NDUFAF5: variants seen among roughly 807,000 people sequenced by gnomAD.
The protein encoded by NDUFAF5 is arginine-hydroxylase NDUFAF5, mitochondrial.
In NDUFAF5, 34 loss-of-function variants were observed where a neutral mutation model predicts 48.9. The observed-to-expected ratio is 0.70, with a 90% CI of 0.53 to 0.93. NDUFAF5 has a LOEUF of 0.93. Ranked by LOEUF, NDUFAF5 falls within the 40% of genes least tolerant of loss-of-function variation. The pLI, the probability that NDUFAF5 is intolerant of heterozygous loss-of-function variation, is 0.00. For synonymous variants in NDUFAF5, 153 were observed against 150.6 expected (o/e 1.02, Z -0.12); for missense variants, 428 against 427.5 (o/e 1.00, Z -0.01).
chr20:13,801,346 A>G (rs1600356385), intron 6 of NDUFAF5, 140 bp from the exon 7 acceptor site: 1 of 514,814 alleles, frequency 1.9e-6, no homozygotes, highest in East Asian at 3.4e-5. Context: ...ATTAGATGTT[A>G]TTTGTTAAAT....
rs545367753 is a variant in NDUFAF5, at chr20:13,808,958, A to G, written c.778+56A>G. On this transcript the variant is annotated intron_variant, in intron 8 of 10. Transcript: ENST00000378106. ...ATTGGGAAAGGTAGGCCAAAAAAAA[A>G]GAATTTTTAGACTCCATTTGAGAGA... 5.8e-4 allele frequency: 681 copies of G among 1,169,332 alleles called. 9 individuals carry two copies. The South Asian group carries it at 8.1e-3, about 14-fold the overall frequency. 72.4% of individuals were successfully genotyped at this position (1,169,332 alleles called of 1,614,324 possible). A position where few individuals can be genotyped will look rare whatever the true frequency, so the allele number is the denominator to read the frequency against.
chr20:13,785,993 A>T (rs930728794), intron 1 of NDUFAF5, among the ~76,000 whole-genome samples: 2 of 152,090 alleles, frequency 1.3e-5, no homozygotes, highest in African/African-American at 4.8e-5. Flanking sequence ...TCTTGTTTTA[A>T]TCAGTGGAGT....
intron 3 of NDUFAF5, among the ~76,000 whole-genome samples, chr20:13,791,917 T>C (rs1295901528): frequency 1.3e-5 from 2 of 152,210 alleles, no homozygotes; most frequent in Admixed American, 6.5e-5. Flanking sequence ...TGAGAGCCAA[T>C]TGTTAGCATC....
rs551550842 is a variant in NDUFAF5, at chr20:13,805,486, T to C, written c.718-3356T>C. 3.9e-5 allele frequency among the ~76,000 whole-genome samples: 6 copies of C among 152,314 alleles called. No individual in the cohort carries two copies. The South Asian group carries it at 1.2e-3, about 32-fold the overall frequency. On this transcript the variant is annotated intron_variant, in intron 7 of 10. Coordinates refer to ENST00000378106, the MANE Select transcript of NDUFAF5 (RefSeq NM_024120.5). ...CTCTAAAAATGAGCCTAATGACTCA[T>C]ACTTTAATATAATATAAAAATATTG...
chr20:13,807,290 C>T (rs1397644685), intron 7 of NDUFAF5, among the ~76,000 whole-genome samples: 3 of 152,098 alleles, frequency 2.0e-5, no homozygotes, highest in Non-Finnish European at 2.9e-5. Flanking sequence ...TCATGATCTG[C>T]CTGCCTCGGC....
chr20:13,817,764 A>G lies in NDUFAF5; in HGVS notation c.*554A>G, dbSNP rs1455936995. 1.5e-5 allele frequency: 7 copies of G among 454,000 alleles called. No homozygotes were observed. The highest frequency in any genetic ancestry group is 4.0e-5 in the African/African-American group (2 of 50,006). 28.1% of individuals were successfully genotyped at this position (454,000 alleles called of 1,614,324 possible). A position where few individuals can be genotyped will look rare whatever the true frequency, so the allele number is the denominator to read the frequency against. ...CCTTAGGGAAGAAGAAAACATTTTAAAGAATACCAGAAGTAGAATCACATG... is the reference window on the plus strand; with the variant it reads ...CCTTAGGGAAGAAGAAAACATTTTAGAGAATACCAGAAGTAGAATCACATG... On this transcript the variant is annotated 3_prime_UTR_variant, in exon 11 of 11. Coordinates refer to ENST00000378106, the MANE Select transcript of NDUFAF5 (RefSeq NM_024120.5).
intron 7 of NDUFAF5, among the ~76,000 whole-genome samples, chr20:13,803,960 A>G (rs1283651771): frequency 6.6e-6 from 1 of 151,938 alleles, no homozygotes; most frequent in Non-Finnish European, 1.5e-5. Flanking sequence ...TAATTTTTGT[A>G]TTTTTAGTAG....
At chr20:13,791,341 A>G (rs1400376201) in intron 3 of NDUFAF5, among the ~76,000 whole-genome samples, 3 of 152,196 alleles carry the variant, frequency 2.0e-5, no homozygotes, top group African/African-American at 7.2e-5. Flanking sequence ...CTCAGTTTCT[A>G]TAAAATATGA....
At chr20:13,817,025 G>T (rs756701830) in intron 10 of NDUFAF5, 68 bp downstream of exon 10, 70 of 1,534,726 alleles carry the variant, frequency 4.6e-5, no homozygotes, top group Non-Finnish European at 6.1e-5. Context: ...ACTAACTTGG[G>T]GGAAGGGGTA....
intron 7 of NDUFAF5, 81 bp downstream of exon 7, chr20:13,801,764 T>A: frequency 8.4e-7 from 1 of 1,185,596 alleles, no homozygotes; most frequent in Non-Finnish European, 1.3e-6. Flanking sequence ...GAAAACTGTA[T>A]GTGTTCATGG....
rs1984085290 is a variant in NDUFAF5 at position 13,801,350 on chromosome 20, G to C, written c.520-136G>C. 5.7e-6 allele frequency: 3 copies of C among 527,952 alleles called. No individual in the cohort carries two copies. In the East Asian group the frequency reaches 1.0e-4, roughly 18 times the overall value. 32.7% of individuals were successfully genotyped at this position (527,952 alleles called of 1,614,324 possible). On this transcript the variant is annotated intron_variant, in intron 6 of 10. Coordinates refer to ENST00000378106, the MANE Select transcript of NDUFAF5 (RefSeq NM_024120.5). ...CAGTTGGTTGCATTAGATGTTATTTGTTAAATTATGTGATTATTAATTTGG... is the reference window on the plus strand; with the variant it reads ...CAGTTGGTTGCATTAGATGTTATTTCTTAAATTATGTGATTATTAATTTGG...
intron 5 of NDUFAF5, among the ~76,000 whole-genome samples, chr20:13,796,066 T>C (rs939621309): frequency 3.3e-5 from 5 of 152,184 alleles, no homozygotes; most frequent in South Asian, 4.1e-4. Flanking sequence ...TCCTGTCTTA[T>C]AGTCAAATAG....
At chr20:13,801,017 C>T (rs1984032568) in intron 6 of NDUFAF5, among the ~76,000 whole-genome samples, 3 of 152,142 alleles carry the variant, frequency 2.0e-5, no homozygotes, top group Admixed American at 1.3e-4. Context: ...CTGTCACTTC[C>T]ACTGCATTCT....
chr20:13,817,349 TATCACATC>T lies in NDUFAF5; in HGVS notation c.*140_*147del. ...TTTTCATATAATTAGGAAAACCTAA[TATCACATC>T]TATAGTAACCATTTCAGTTTCATAT... On this transcript the variant is annotated 3_prime_UTR_variant, in exon 11 of 11. Coordinates refer to ENST00000378106, the MANE Select transcript of NDUFAF5 (RefSeq NM_024120.5). 1.3e-6 allele frequency: 1 copy of T among 749,942 alleles called. No individual in the cohort carries two copies. Among genetic ancestry groups the T allele is most frequent in the Non-Finnish European group, 2.4e-6 (1 of 415,298 alleles). 46.5% of individuals were successfully genotyped at this position (749,942 alleles called of 1,614,324 possible).
chr20:13,795,886 T>G (rs1435377042), intron 5 of NDUFAF5, among the ~76,000 whole-genome samples: 2 of 152,214 alleles, frequency 1.3e-5, no homozygotes, highest in Admixed American at 6.5e-5. Flanking sequence ...TGTTTTCTAC[T>G]ATCTTCCTCC....
chr20:13,812,773 GT>G, intron 8 of NDUFAF5, among the ~76,000 whole-genome samples: 1 of 152,326 alleles, frequency 6.6e-6, no homozygotes, highest in South Asian at 2.1e-4. Flanking sequence ...TATTTGATAT[GT>G]ATGTGATTCT....
At chr20:13,795,927 A>G (rs1038479283) in intron 5 of NDUFAF5, among the ~76,000 whole-genome samples, 1 of 152,240 alleles carries the variant, frequency 6.6e-6, no homozygotes, top group African/African-American at 2.4e-5. Flanking sequence ...TAATGCAAGT[A>G]TATATCAAAT....
rs755086433 is a variant in NDUFAF5 at position 13,785,062 on chromosome 20, G to A, written c.-7G>A. 1 of 1,609,188 alleles carries A rather than the reference G, an allele frequency of 6.2e-7. No individual in the cohort carries two copies. The highest frequency in any genetic ancestry group is 2.2e-5 in the East Asian group (1 of 44,810). On this transcript the variant is annotated 5_prime_UTR_variant, in exon 1 of 11. Transcript: ENST00000378106. ...AAAAGCGCCGGCAATTGGGGTCGCAGCTGGAGATGCTGCGGCCGGCAGGGC... is the reference window on the plus strand; with the variant it reads ...AAAAGCGCCGGCAATTGGGGTCGCAACTGGAGATGCTGCGGCCGGCAGGGC...
intron 8 of NDUFAF5, among the ~76,000 whole-genome samples, chr20:13,815,341 G>A (rs765405815): frequency 6.6e-6 from 1 of 152,028 alleles, no homozygotes; most frequent in Non-Finnish European, 1.5e-5. Flanking sequence ...TTGGCCCAAG[G>A]TTATCCAGCT....
Sources: gnomAD v4.1 joint callset for allele counts (sites outside exome capture counted in the v4.1 genomes callset) on GRCh38, gnomAD v4.1.1 for gene constraint, MANE v1.5 for transcripts, NCBI Gene and HGNC (gene_info 2026-07-23, HGNC 2026-07-21) for gene names.